The following UIMC1 variants were observed in gnomAD, a reference collection of about 807,000 sequenced individuals.
UIMC1 encodes the protein ubiquitin interaction motif containing 1.
In UIMC1, 42 loss-of-function variants were observed where a neutral mutation model predicts 84.9. The ratio of observed to expected loss-of-function variants is 0.49; its 90% confidence interval spans 0.39 to 0.64. UIMC1 has a LOEUF of 0.64. Among genes scored for constraint, UIMC1 ranks in the 30% least tolerant of loss-of-function variants. UIMC1 has a pLI of 0.00. For synonymous variants in UIMC1, 281 were observed against 293.0 expected (o/e 0.96, Z 0.42); for missense variants, 825 against 847.6 (o/e 0.97, Z 0.33).
At chr5:176,940,218 G>A (rs138929651) in intron 10 of UIMC1, among the ~76,000 whole-genome samples, 1 of 152,302 alleles carries the variant, frequency 6.6e-6, no homozygotes, top group Non-Finnish European at 1.5e-5. Flanking sequence ...CTCCAGTAAG[G>A]AAGACCGGCT....
intron 1 of UIMC1, among the ~76,000 whole-genome samples, chr5:176,997,242 C>T (rs1018793119): frequency 1.2e-4 from 18 of 152,110 alleles, no homozygotes; most frequent in Admixed American, 2.6e-4. Flanking sequence ...ATTTTCACCA[C>T]TATCACCATC....
chr5:176,922,983 C>T (rs1429556905), intron 10 of UIMC1, among the ~76,000 whole-genome samples: 1 of 152,228 alleles, frequency 6.6e-6, no homozygotes, highest in Non-Finnish European at 1.5e-5. Flanking sequence ...CATTGCAGTA[C>T]TGTCTTTGGA....
intron 10 of UIMC1, among the ~76,000 whole-genome samples, chr5:176,931,860 G>T (rs774197637): frequency 6.6e-6 from 1 of 152,152 alleles, no homozygotes; most frequent in Non-Finnish European, 1.5e-5. Context: ...TGTAATCCCA[G>T]CTACTTGGGA....
intron 1 of UIMC1, among the ~76,000 whole-genome samples, chr5:177,000,531 A>ATTTTTTG (rs1774301840): frequency 1.1e-5 from 1 of 89,136 alleles, no homozygotes; most frequent in African/African-American, 6.1e-5. Context: ...ATGGAGTTTC[A>ATTTTTTG]TTCTTATTGC....
At chr5:176,956,073 A>G (rs766144173) in intron 7 of UIMC1, 38 bp from the exon 8 acceptor site, 12 of 1,602,878 alleles carry the variant, frequency 7.5e-6, no homozygotes, top group Non-Finnish European at 1.0e-5. Context: ...TTCCCAGTAA[A>G]ATAAATCAGA....
chr5:176,953,926 A>G lies in UIMC1; in HGVS notation c.1339+2033T>C, dbSNP rs1201412765. On this transcript the variant is annotated intron_variant, in intron 8 of 14. Transcript: ENST00000511320. ...CCATTTGGAACAAATTTTTTCAGAT[A>G]ATTTATATATATAACTTCTAAATTA... Among the ~76,000 whole-genome samples, 4 of 152,288 alleles carry G rather than the reference A, an allele frequency of 2.6e-5. No homozygotes were observed. The East Asian group carries it at 7.7e-4, about 29-fold the overall frequency.
chr5:176,975,543 T>G, intron 2 of UIMC1, 63 bp from the exon 3 acceptor site: 1 of 1,543,024 alleles, frequency 6.5e-7, no homozygotes, highest in Non-Finnish European at 9.0e-7. Context: ...TTCTCTCTCT[T>G]CTACCTCCCC....
At chr5:176,959,839 CTGACCAACA>C (rs1049406906) in intron 6 of UIMC1, among the ~76,000 whole-genome samples, 3 of 151,954 alleles carry the variant, frequency 2.0e-5, no homozygotes, top group African/African-American at 7.3e-5. Context: ...CAAGACCAGC[CTGACCAACA>C]TGGAGAAATC....
chr5:176,976,644 T>C (rs923759577), intron 2 of UIMC1, among the ~76,000 whole-genome samples: 4 of 152,218 alleles, frequency 2.6e-5, no homozygotes, highest in African/African-American at 9.6e-5. Context: ...TGAATGTACC[T>C]TGAAAATATA....
chr5:176,947,643 C>T (rs1248758897), intron 9 of UIMC1, among the ~76,000 whole-genome samples: 1 of 151,930 alleles, frequency 6.6e-6, no homozygotes, highest in Non-Finnish European at 1.5e-5. Context: ...ACGGTGAAAC[C>T]CCATCTCTAC....
rs141823728 is a variant in UIMC1 at position 176,972,115 on chromosome 5, T to C, written c.233-1249A>G. Among the ~76,000 whole-genome samples, 1,232 of 152,136 alleles carry C rather than the reference T, an allele frequency of 8.1e-3. 10 individuals are homozygous for C. The highest frequency in any genetic ancestry group is 0.024 in the Middle Eastern group (7 of 294). ...TAAAAGCTCCTCTTTATAGAATTAT[T>C]ACAGGCCAGGCGCGGTGGCTCACGC... On this transcript the variant is annotated intron_variant, in intron 3 of 14. Coordinates refer to ENST00000511320, the MANE Select transcript of UIMC1 (RefSeq NM_001199298.2).
intron 10 of UIMC1, among the ~76,000 whole-genome samples, chr5:176,921,635 G>A (rs1436920082): frequency 6.6e-6 from 1 of 152,102 alleles, no homozygotes; most frequent in African/African-American, 2.4e-5. Context: ...AAATCCTGTA[G>A]GTTCAACCTT....
chr5:177,013,843 G>C (rs1377730044), intron 1 of UIMC1, among the ~76,000 whole-genome samples: 1 of 152,126 alleles, frequency 6.6e-6, no homozygotes, highest in Non-Finnish European at 1.5e-5. Flanking sequence ...GCATCTAATT[G>C]TGACAACATT....
In UIMC1 at chr5:177,000,498, C is replaced by CTTTTTTTTTTTTT. The variant is rs966855813; in HGVS notation, c.-9+6139_-9+6151dup. On this transcript the variant is annotated intron_variant, in intron 1 of 14. Coordinates refer to ENST00000511320, the MANE Select transcript of UIMC1 (RefSeq NM_001199298.2). ...ATATGCCTGTTTTCCACTTGCATGT[C>CTTTTTTTTTTTTT]TTTTTTTTTTTTTTTTTTTGAGATG... is the stretch of plus-strand genomic sequence containing the variant. 9.7e-5 allele frequency among the ~76,000 whole-genome samples: 11 copies of CTTTTTTTTTTTTT among 113,362 alleles called. 1 individual carries two copies. The South Asian group carries it at 1.8e-3, about 18-fold the overall frequency. The allele number at this position is 113,362 out of a possible 152,430, so 74.4% of individuals were successfully genotyped here. A position where few individuals can be genotyped will look rare whatever the true frequency, so the allele number is the denominator to read the frequency against.
intron 1 of UIMC1, among the ~76,000 whole-genome samples, chr5:177,013,402 A>ACACACACACAC (rs1561942057): frequency 6.6e-6 from 1 of 150,774 alleles, no homozygotes; most frequent in East Asian, 2.0e-4. Flanking sequence ...ACACACACAC[A>ACACACACACAC]AAGATACTTT....
intron 13 of UIMC1, 93 bp from the exon 14 acceptor site, chr5:176,906,140 G>C: frequency 8.2e-7 from 1 of 1,223,678 alleles, no homozygotes; most frequent in Non-Finnish European, 1.2e-6. Context: ...TCTAGGCACT[G>C]CTTCTCATCA....
At chr5:176,924,793 C>G (rs1227942611) in intron 10 of UIMC1, among the ~76,000 whole-genome samples, 1 of 152,044 alleles carries the variant, frequency 6.6e-6, no homozygotes, top group South Asian at 2.1e-4. Context: ...GTAATCCCAG[C>G]ACTTTGGGAG....
At chr5:176,907,324 G>C in intron 12 of UIMC1, 147 bp from the exon 13 acceptor site, 1 of 699,450 alleles carries the variant, frequency 1.4e-6, no homozygotes, top group Admixed American at 2.9e-5. Context: ...AATAAACGAG[G>C]GTTTCACAAG....
upstream of UIMC1, among the ~76,000 whole-genome samples, chr5:177,007,085 A>G (rs1775375196): frequency 6.6e-6 from 1 of 152,178 alleles, no homozygotes; most frequent in Non-Finnish European, 1.5e-5. Flanking sequence ...TCACGCCTGT[A>G]ATCCCAGCGC....
Sources: allele counts gnomAD v4.1 joint callset (sites outside exome capture counted in the v4.1 genomes callset), GRCh38; gene constraint gnomAD v4.1.1; transcripts MANE v1.5; gene names NCBI Gene and HGNC (gene_info 2026-07-23, HGNC 2026-07-21).